The following HEATR4 variants were observed in gnomAD, a reference collection of about 807,000 sequenced individuals.
HEATR4 encodes HEAT repeat containing 4, also known as HEAT repeat-containing protein 4.
A neutral mutation model predicts 108.8 loss-of-function variants in HEATR4; 95 were observed. The observed-to-expected ratio is 0.87, with a 90% CI of 0.74 to 1.04. The LOEUF (loss-of-function observed/expected upper bound fraction) is 1.04. HEATR4 is among the 50% of genes least tolerant of loss of function. The pLI is 0.00. For synonymous variants in HEATR4, 443 were observed against 459.4 expected (o/e 0.96, Z 0.46); for missense variants, 1,152 against 1,253.8 (o/e 0.92, Z 1.23).
chr14:73,545,037 A>T (rs1409152566), intron 1 of HEATR4, among the ~76,000 whole-genome samples: 1 of 112,486 alleles, frequency 8.9e-6, no homozygotes, highest in South Asian at 2.9e-4. Context: ...GAAAAAAAAA[A>T]CCTTAATTTA....
At chr14:73,583,330 C>G in the HEATR4 span, among the ~76,000 whole-genome samples, 1 of 140,408 alleles carries the variant, frequency 7.1e-6, no homozygotes, top group African/African-American at 2.7e-5. Flanking sequence ...GCCTAGGTGA[C>G]AGAGTGAGAC....
chr14:73,491,677 G>A (rs781755956), intron 17 of HEATR4: 1 of 1,549,874 alleles, frequency 6.5e-7, no homozygotes, highest in South Asian at 1.2e-5. Flanking sequence ...ACTTTTACCG[G>A]CGCCTATGGG....
the HEATR4 span, among the ~76,000 whole-genome samples, chr14:73,624,210 C>T: frequency 6.6e-6 from 1 of 151,998 alleles, no homozygotes; most frequent in African/African-American, 2.4e-5. Context: ...GCAACCTCCA[C>T]CTCCCAGATT....
Position 73,492,462 on chromosome 14 carries a change from G to A in HEATR4, c.2844+604C>T, listed in dbSNP as rs1885836456. ...AGAACCGCTTTCATGGAGAAGGTGC[G>A]GGTCTTGGTTGCCCGCCTGGGACAC... On this transcript the variant is annotated intron_variant, in intron 17 of 17. Coordinates refer to ENST00000553558, the MANE Select transcript of HEATR4 (RefSeq NM_001220484.1). The surrounding 1 kb of genome is among the most constrained non-coding windows in gnomAD (Gnocchi z 4.9). 4.3e-6 allele frequency: 7 copies of A among 1,613,746 alleles called. No homozygotes were observed. The highest frequency in any genetic ancestry group is 5.9e-6 in the Non-Finnish European group (7 of 1,179,808).
chr14:73,561,420 G>A (rs1889530345), upstream of HEATR4, among the ~76,000 whole-genome samples: 1 of 152,026 alleles, frequency 6.6e-6, no homozygotes, highest in Non-Finnish European at 1.5e-5. Context: ...AGGTGCAGTG[G>A]CTCACGCCTA....
At position 73,523,058 on chromosome 14, in the gene HEATR4, G is replaced by T. The variant is rs1408810273; in HGVS notation, c.95C>A (p.Ser32Ter). Residue 32 changes from serine (S) to a stop codon, truncating the protein, a stop_gained, in exon 3 of 18, where the codon TCA (serine) becomes TAA (stop). Transcript: ENST00000553558. LOFTEE classifies it high-confidence loss of function. ...ACACTCCTCCTTGCCTTTCAATTTT[G>T]AGTAGTTTAAAATCATGCCCCATCC... is the stretch of plus-strand genomic sequence containing the variant. ...RLGWGMILNY[S>*]KLKGKEECAS... 2 of 1,613,986 alleles carry T rather than the reference G, an allele frequency of 1.2e-6. No individual in the cohort carries two copies.
At chr14:73,537,360 C>A in intron 1 of HEATR4, 2 of 1,193,690 alleles carry the variant, frequency 1.7e-6, no homozygotes, top group South Asian at 1.4e-5. Flanking sequence ...AAGAGTTGGG[C>A]AGAGTTGCAG....
At chr14:73,620,717 G>A in the HEATR4 span, among the ~76,000 whole-genome samples, 2 of 151,752 alleles carry the variant, frequency 1.3e-5, no homozygotes, top group African/African-American at 2.4e-5. Context: ...ACAGGCTCGT[G>A]CCACCATGCC....
At chr14:73,506,804 G>GTTTTTTTTTTTTTTTGT (rs1886869145) in intron 9 of HEATR4, among the ~76,000 whole-genome samples, 3 of 80,518 alleles carry the variant, frequency 3.7e-5, no homozygotes, top group South Asian at 3.8e-4. Context: ...GACTTTAACT[G>GTTTTTTTTTTTTTTTGT]TTTTTTTTTT....
chr14:73,526,417 C>G (rs1416132896), intron 2 of HEATR4, among the ~76,000 whole-genome samples: 1 of 152,166 alleles, frequency 6.6e-6, no homozygotes, highest in African/African-American at 2.4e-5. Context: ...GTCATGGAGG[C>G]AGTGGACTTT....
At position 73,522,273 on chromosome 14, in the gene HEATR4, T is replaced by G. The variant is rs1414038278; in HGVS notation, c.880A>C (p.Arg294=). Residue 294 remains arginine (R), a splice_region_variant and synonymous_variant, in exon 3 of 18, where the codon AGA becomes CGA. Coordinates refer to ENST00000553558, the MANE Select transcript of HEATR4 (RefSeq NM_001220484.1). ...KPELLLPVYY[R]LPSYFQQAET... ...CACTTGAGGCCCTGGCCAGTATACCTGTAGTAAACGGGAAGCAGCAGTTCT... is the reference window on the plus strand; with the variant it reads ...CACTTGAGGCCCTGGCCAGTATACCGGTAGTAAACGGGAAGCAGCAGTTCT... 6.2e-7 allele frequency: 1 copy of G among 1,613,512 alleles called. No individual in the cohort carries two copies. The highest frequency in any genetic ancestry group is 1.7e-5 in the Admixed American group (1 of 59,988).
the HEATR4 span, among the ~76,000 whole-genome samples, chr14:73,586,256 C>T: frequency 2.6e-5 from 4 of 151,034 alleles, no homozygotes; most frequent in African/African-American, 9.7e-5. Flanking sequence ...AGCTGGGCAT[C>T]GTGGCGCATG....
chr14:73,511,528 TAAA>T (rs1426414188), intron 7 of HEATR4, among the ~76,000 whole-genome samples: 2 of 98,874 alleles, frequency 2.0e-5, no homozygotes, highest in African/African-American at 3.4e-5. Context: ...CAAAAATAAA[TAAA>T]TAAATAAATA....
the HEATR4 span, among the ~76,000 whole-genome samples, chr14:73,578,608 G>C: frequency 6.6e-6 from 1 of 151,992 alleles, no homozygotes; most frequent in Non-Finnish European, 1.5e-5. Flanking sequence ...TGGTGAAACA[G>C]ACCGAAAAGT....
chr14:73,599,779 G>T, the HEATR4 span, among the ~76,000 whole-genome samples: 1 of 152,220 alleles, frequency 6.6e-6, no homozygotes, highest in African/African-American at 2.4e-5. Context: ...TGAAAGGAGA[G>T]TGGCAAGGTT....
chr14:73,524,310 A>AAAAAAAAAAAAAAAATATATATATATAT, intron 2 of HEATR4, among the ~76,000 whole-genome samples: 1 of 54,788 alleles, frequency 1.8e-5, no homozygotes, highest in African/African-American at 8.8e-5. Context: ...AAAAAAAAAA[A>AAAAAAAAAAAAAAAATATATATATATAT]ATATATATAT....
chr14:73,595,268 G>C, the HEATR4 span: 1 of 1,614,186 alleles, frequency 6.2e-7, no homozygotes, highest in Non-Finnish European at 8.5e-7. Context: ...GGACATTGTG[G>C]ATATAAGGAA....
the HEATR4 span, among the ~76,000 whole-genome samples, chr14:73,601,976 T>C: frequency 1.3e-5 from 2 of 152,010 alleles, no homozygotes; most frequent in African/African-American, 4.8e-5. Context: ...AGTCTAAATC[T>C]GTTGCCCAGG....
intron 17 of HEATR4, among the ~76,000 whole-genome samples, chr14:73,487,663 A>G (rs1236307573): frequency 6.6e-6 from 1 of 152,196 alleles, no homozygotes; most frequent in East Asian, 1.9e-4. Flanking sequence ...GACGGGATAG[A>G]AAAAGGCATA....
Sources: allele counts gnomAD v4.1 joint callset (sites outside exome capture counted in the v4.1 genomes callset), GRCh38; gene constraint gnomAD v4.1.1; non-coding constraint Gnocchi (gnomAD v3.1); transcripts MANE v1.5; gene names NCBI Gene and HGNC (gene_info 2026-07-23, HGNC 2026-07-21).